Variants in ALK observed in about 807,000 individuals in gnomAD.
The protein encoded by ALK is ALK tyrosine kinase receptor.
ALK carries 74 observed loss-of-function variants against 163.1 expected under a neutral mutation model. The ratio of observed to expected loss-of-function variants is 0.45; its 90% CI spans 0.38 to 0.55. The LOEUF is 0.55. Among genes scored for constraint, ALK ranks in the 20% least tolerant of loss-of-function variants. The pLI is 0.00. For missense variants in ALK, 2,063 were observed against 2,105.3 expected, an observed-to-expected ratio of 0.98 and a Z score of 0.39; for synonymous variants, 960 against 843.2, an observed-to-expected ratio of 1.14 and a Z score of -2.40.
rs1375426159 is a variant in ALK, at chr2:29,735,914, C to T, written c.668-18217G>A. On this transcript the variant is annotated intron_variant, in intron 1 of 28. Coordinates refer to ENST00000389048, the MANE Select transcript of ALK (RefSeq NM_004304.5). ...TTACCCAGTCTGGGGCAGTTCTTTA[C>T]AGCAGTGTGAGAAGGGACTAATACA... Among the ~76,000 whole-genome samples, 8 of 152,022 alleles carry T rather than the reference C, an allele frequency of 5.3e-5. 1 individual carries two copies. The highest frequency in any genetic ancestry group is 1.2e-4 in the African/African-American group (5 of 41,318).
intron 3 of ALK, among the ~76,000 whole-genome samples, chr2:29,607,962 C>CT (rs1461968735): frequency 6.6e-6 from 1 of 151,968 alleles, no homozygotes; most frequent in Non-Finnish European, 1.5e-5. Context: ...GATTGCATCT[C>CT]TTTTTTACAA....
intron 26 of ALK, among the ~76,000 whole-genome samples, chr2:29,200,168 A>G (rs900756690): frequency 2.0e-5 from 3 of 151,934 alleles, no homozygotes. Context: ...CCTGGCACAT[A>G]TATTATTCCT....
chr2:29,686,043 T>C (rs1678230694), intron 3 of ALK, among the ~76,000 whole-genome samples: 1 of 152,218 alleles, frequency 6.6e-6, no homozygotes, highest in South Asian at 2.1e-4. Flanking sequence ...GTGATTCCAC[T>C]GGGTCAACCC....
At chr2:29,839,421 C>T (rs996823830) in intron 1 of ALK, among the ~76,000 whole-genome samples, 3 of 152,086 alleles carry the variant, frequency 2.0e-5, no homozygotes, top group South Asian at 2.1e-4. Flanking sequence ...GGAAACAAAT[C>T]TCATCATCTT....
At chr2:29,902,606 C>T (rs1055646952) in intron 1 of ALK, among the ~76,000 whole-genome samples, 18 of 152,302 alleles carry the variant, frequency 1.2e-4, no homozygotes, top group Middle Eastern at 3.4e-3. Flanking sequence ...CTGTACTTAC[C>T]GACATAAAAT....
intron 4 of ALK, among the ~76,000 whole-genome samples, chr2:29,395,643 C>T (rs1277398701): frequency 2.0e-5 from 3 of 152,226 alleles, no homozygotes; most frequent in Non-Finnish European, 4.4e-5. Flanking sequence ...AATTGTTGCT[C>T]TAACCTTCCC....
At chr2:29,669,689 T>G (rs1224629086) in intron 3 of ALK, among the ~76,000 whole-genome samples, 1 of 152,034 alleles carries the variant, frequency 6.6e-6, no homozygotes, top group Non-Finnish European at 1.5e-5. Flanking sequence ...CCATTTCCCT[T>G]TGTGGTTAAG....
intron 4 of ALK, among the ~76,000 whole-genome samples, chr2:29,434,050 G>A (rs1670340378): frequency 1.3e-5 from 2 of 152,048 alleles, no homozygotes; most frequent in Admixed American, 1.3e-4. Flanking sequence ...GGCAAAGCAT[G>A]GAGAAGGGGA....
chr2:29,228,919 C>CT lies in ALK; in HGVS notation c.2779_2780insA (p.Gly927GlufsTer21). ...TCCGCCTCCTCCACCTGAGGAGCACCCCCCTCCACCCCCTCCGAAACCCCC... is the reference window on the plus strand; with the variant it reads ...TCCGCCTCCTCCACCTGAGGAGCACCTCCCCTCCACCCCCTCCGAAACCCCC... On this transcript the variant is annotated frameshift_variant, in exon 16 of 29. Coordinates refer to ENST00000389048, the MANE Select transcript of ALK (RefSeq NM_004304.5). LOFTEE classifies it high-confidence loss of function. 6.8e-7 allele frequency: 1 copy of CT among 1,479,560 alleles called. No individual in the cohort carries two copies. Among genetic ancestry groups the CT allele is most frequent in the Non-Finnish European group, 9.4e-7 (1 of 1,059,390 alleles). 91.7% of individuals were successfully genotyped at this position (1,479,560 alleles called of 1,614,324 possible).
At chr2:29,820,905 C>G (rs1665029555) in intron 1 of ALK, among the ~76,000 whole-genome samples, 1 of 152,214 alleles carries the variant, frequency 6.6e-6, no homozygotes, top group African/African-American at 2.4e-5. Context: ...TCTCAGAGGC[C>G]TGCAGCCTTT....
intron 1 of ALK, among the ~76,000 whole-genome samples, chr2:29,913,127 G>A (rs1027346211): frequency 6.6e-6 from 1 of 151,848 alleles, no homozygotes; most frequent in Admixed American, 6.6e-5. Context: ...AGAAAGGTAA[G>A]GTGCAAGAAA....
At chr2:29,408,528 C>T (rs918380863) in intron 4 of ALK, among the ~76,000 whole-genome samples, 1 of 152,022 alleles carries the variant, frequency 6.6e-6, no homozygotes, top group Non-Finnish European at 1.5e-5. Context: ...AACCAATCTG[C>T]GAATTGTTAA....
intron 3 of ALK, among the ~76,000 whole-genome samples, chr2:29,591,033 C>T (rs923937973): frequency 1.8e-4 from 25 of 137,702 alleles, no homozygotes; most frequent in East Asian, 1.5e-3. Flanking sequence ...ATCGCGCCAC[C>T]GCACTCCAAC....
chr2:29,668,920 T>C (rs1369373142), intron 3 of ALK, among the ~76,000 whole-genome samples: 1 of 152,086 alleles, frequency 6.6e-6, no homozygotes, highest in African/African-American at 2.4e-5. Flanking sequence ...CTTTACGCTA[T>C]GTAAGACTTA....
chr2:29,724,569 T>C (rs1215246957), intron 1 of ALK, among the ~76,000 whole-genome samples: 3 of 152,200 alleles, frequency 2.0e-5, no homozygotes, highest in Non-Finnish European at 4.4e-5. Flanking sequence ...ATGTTGTTAA[T>C]TTAGTCTGAA....
chr2:29,646,212 C>G (rs1676869700), intron 3 of ALK, among the ~76,000 whole-genome samples: 1 of 152,030 alleles, frequency 6.6e-6, no homozygotes, highest in South Asian at 2.1e-4. Flanking sequence ...CAACTTTATC[C>G]CCCCCAGGCC....
rs183178945 is a variant in ALK, at chr2:29,213,833, A to G, written c.3743+151T>C. The G allele has an allele frequency of 2.0e-5, 14 of 708,576 alleles. No homozygotes were observed. In the East Asian group the frequency reaches 3.8e-4, roughly 19 times the overall value. 43.9% of individuals were successfully genotyped at this position (708,576 alleles called of 1,614,324 possible). ...ACCCTGTCTCTCACAAAAAAACAATAAAACAAAGCTGAATCATCCTACATC... is the reference window on the plus strand; with the variant it reads ...ACCCTGTCTCTCACAAAAAAACAATGAAACAAAGCTGAATCATCCTACATC... On this transcript the variant is annotated intron_variant, in intron 24 of 28. Coordinates refer to ENST00000389048, the MANE Select transcript of ALK (RefSeq NM_004304.5).
intron 3 of ALK, among the ~76,000 whole-genome samples, chr2:29,661,920 G>GT (rs201533038): frequency 0.033 from 5,011 of 151,754 alleles, 275 homozygotes; most frequent in African/African-American, 0.11. Flanking sequence ...TATTGTTGTT[G>GT]TTTTTTTTGA....
At chr2:29,813,695 C>T (rs138438829) in intron 1 of ALK, among the ~76,000 whole-genome samples, 33 of 152,118 alleles carry the variant, frequency 2.2e-4, no homozygotes, top group African/African-American at 7.5e-4. Context: ...AACCCGGACC[C>T]GATGCTGAAC....
Sources: allele counts gnomAD v4.1 joint callset (sites outside exome capture counted in the v4.1 genomes callset), GRCh38; gene constraint gnomAD v4.1.1; transcripts MANE v1.5; gene names NCBI Gene and HGNC (gene_info 2026-07-23, HGNC 2026-07-21).